Variants in WFS1 observed in about 807,000 individuals in gnomAD.
WFS1 encodes wolframin ER transmembrane glycoprotein, also known as wolframin.
A neutral mutation model predicts 68.5 loss-of-function variants in WFS1; 90 were observed. That is an observed-to-expected ratio of 1.31 (90% CI 1.11 to 1.56). The LOEUF (loss-of-function observed/expected upper bound fraction) is 1.56. Among genes scored for constraint, WFS1 ranks in the 40% most tolerant of loss-of-function variants. WFS1 has a pLI of 0.00. For synonymous variants in WFS1, 860 were observed against 540.7 expected (o/e 1.59, Z -8.19); for missense variants, 1,767 against 1,232.6 (o/e 1.43, Z -6.49).
chr4:6,286,227 C>A (rs1162396636), intron 2 of WFS1, among the ~76,000 whole-genome samples: 1 of 152,070 alleles, frequency 6.6e-6, no homozygotes, highest in East Asian at 1.9e-4. Context: ...CTCCCAGATT[C>A]ATTTGCTGAG....
chr4:6,297,966 C>T (rs528277740), intron 7 of WFS1, among the ~76,000 whole-genome samples: 41 of 152,268 alleles, frequency 2.7e-4, no homozygotes, highest in African/African-American at 7.7e-4. Context: ...CGCCATCCAA[C>T]GTAATGTTCT....
chr4:6,294,093 A>G (rs1467904350), intron 6 of WFS1, among the ~76,000 whole-genome samples: 1 of 152,144 alleles, frequency 6.6e-6, no homozygotes, highest in Non-Finnish European at 1.5e-5. Flanking sequence ...GTCAGCGCCC[A>G]CTATCACGGC....
chr4:6,293,887 G>T (rs923510835), intron 6 of WFS1, among the ~76,000 whole-genome samples: 2 of 152,188 alleles, frequency 1.3e-5, no homozygotes, highest in Non-Finnish European at 2.9e-5. Context: ...TCCAGCCCGT[G>T]CTCCTTCCAC....
rs1455868678 is a variant in WFS1, at chr4:6,302,442, T to G, written c.2647T>G (p.Phe883Val). Residue 883 changes from phenylalanine to valine, a missense_variant, in exon 8 of 8, where the codon TTC becomes GTC. Phe to Val is a conservative substitution (Grantham distance 50). Transcript: ENST00000226760. ...GAVKFAFDFF[F>V]FPFLSAA ...CGTGAAGTTCGCCTTCGACTTCTTT[T>G]TCTTCCCATTCCTGTCGGCGGCCTG... 6.2e-7 allele frequency: 1 copy of G among 1,612,474 alleles called. No homozygotes were observed. Among genetic ancestry groups the G allele is most frequent in the Non-Finnish European group, 8.5e-7 (1 of 1,179,374 alleles).
chr4:6,298,822 C>T (rs1218869467), intron 7 of WFS1, among the ~76,000 whole-genome samples: 1 of 152,230 alleles, frequency 6.6e-6, no homozygotes, highest in Non-Finnish European at 1.5e-5. Context: ...TGCCATTCAC[C>T]TGGGATCCCT....
chr4:6,292,950 C>T (rs932635705), intron 6 of WFS1, among the ~76,000 whole-genome samples: 1 of 152,232 alleles, frequency 6.6e-6, no homozygotes, highest in Non-Finnish European at 1.5e-5. Context: ...AGAGCCCTCG[C>T]CTCTGCGTGG....
At position 6,300,664 on chromosome 4, in the gene WFS1, A is replaced by C; in HGVS notation, c.869A>C (p.Lys290Thr). The C allele has an allele frequency of 1.9e-6, 3 of 1,613,976 alleles. No homozygotes were observed. The highest frequency in any genetic ancestry group is 1.1e-5 in the South Asian group (1 of 91,078). The change falls in exon 8 of 8, where the codon AAG becomes ACG. Residue 290 changes from lysine to threonine, a missense_variant. Lys to Thr is a moderately conservative substitution (Grantham distance 78). Transcript: ENST00000226760. ...EDLPLRLKVV[K>T]YPLHAIMEIK... ...GTACCATCTTTCCCCCAGGTGGTCA[A>C]GTACCCCCTGCACGCCATCATGGAG...
At chr4:6,289,279 A>G in intron 4 of WFS1, 148 bp downstream of exon 4, 1 of 1,059,858 alleles carries the variant, frequency 9.4e-7, no homozygotes, top group Non-Finnish European at 1.3e-6. Flanking sequence ...TGGCCTTCTC[A>G]TTTTAGACAC....
At chr4:6,270,145 A>G (rs987753965) in intron 1 of WFS1, 131 bp downstream of exon 1, 1 of 152,140 alleles carries the variant, frequency 6.6e-6, no homozygotes, top group Non-Finnish European at 1.5e-5. Flanking sequence ...GCTGGCCCCA[A>G]AGTCCCGACA....
Position 6,301,815 on chromosome 4 carries a change from G to T in WFS1, c.2020G>T (p.Gly674Trp). The change falls in exon 8 of 8, where the codon GGG (glycine) becomes TGG (tryptophan). Residue 674 changes from glycine to tryptophan, a missense_variant. Physicochemically the swap from Gly to Trp is radical, Grantham distance 184. Transcript: ENST00000226760. ...CTGGCAGCAGTATGGTGCGCTGTGCGGGCCACGCGCCTGGAAGGAGACCAA... is the reference window on the plus strand; with the variant it reads ...CTGGCAGCAGTATGGTGCGCTGTGCTGGCCACGCGCCTGGAAGGAGACCAA... ...LTWQQYGALCGPRAWKETNMA... is the reference protein window; with the variant it reads ...LTWQQYGALCWPRAWKETNMA... 6.2e-7 allele frequency: 1 copy of T among 1,613,160 alleles called. No homozygotes were observed. Among genetic ancestry groups the T allele is most frequent in the Non-Finnish European group, 8.5e-7 (1 of 1,180,026 alleles).
chr4:6,285,837 T>C (rs1332988203), intron 2 of WFS1, among the ~76,000 whole-genome samples: 1 of 152,238 alleles, frequency 6.6e-6, no homozygotes, highest in African/African-American at 2.4e-5. Flanking sequence ...CTGGGAACCA[T>C]GCAGCCTGTC....
In WFS1 at chr4:6,300,947, C is replaced by T. The variant is rs149846741; in HGVS notation, c.1152C>T (p.Phe384=). 339 of 1,614,046 alleles carry T rather than the reference C, an allele frequency of 2.1e-4. No individual in the cohort carries two copies. In the East Asian group the frequency reaches 2.5e-3, roughly 12 times the overall value. Residue 384 remains phenylalanine, a synonymous_variant, in exon 8 of 8, where the codon TTC becomes TTT. Coordinates refer to ENST00000226760, the MANE Select transcript of WFS1 (RefSeq NM_006005.3). ...FRTLTDLLLR[F]EPNLDVEQAE... is the part of the protein sequence containing the mutation. The stretch of plus-strand genomic sequence containing the variant: ...CCCTCACCGACCTGCTGCTGCGCTT[C>T]GAGCCCAACCTGGATGTGGAGCAGG...
rs141477172 is a variant in WFS1 at position 6,301,451 on chromosome 4, C to G, written c.1656C>G (p.Thr552=). Residue 552 remains threonine (T), a synonymous_variant, in exon 8 of 8, where the codon ACC becomes ACG. Transcript: ENST00000226760. ...CCGTGGTCATCCTGCTGGAGTCCAC[C>G]GGCCTGGGGCTGCTCCGCGCCTCCA... ...ELSVVILLES[T]GLGLLRASIG... The G allele has an allele frequency of 6.2e-6, 10 of 1,612,474 alleles. No individual in the cohort carries two copies. The highest frequency in any genetic ancestry group is 1.6e-4 in the Middle Eastern group (1 of 6,062).
At chr4:6,285,851 T>C (rs998119896) in intron 2 of WFS1, among the ~76,000 whole-genome samples, 3 of 152,212 alleles carry the variant, frequency 2.0e-5, no homozygotes, top group Admixed American at 1.3e-4. Context: ...GCCTGTCCCG[T>C]TGTCAGCCAG....
At chr4:6,297,747 A>T (rs1730676891) in intron 7 of WFS1, among the ~76,000 whole-genome samples, 1 of 152,152 alleles carries the variant, frequency 6.6e-6, no homozygotes, top group South Asian at 2.1e-4. Flanking sequence ...ATAGTTTTTA[A>T]GTTTCGTTCT....
rs762389457 is a variant in WFS1 at position 6,300,782 on chromosome 4, C to G, written c.987C>G (p.Phe329Leu). 6.2e-7 allele frequency: 1 copy of G among 1,613,934 alleles called. No homozygotes were observed. Among genetic ancestry groups the G allele is most frequent in the Non-Finnish European group, 8.5e-7 (1 of 1,179,976 alleles). Reference protein sequence around the residue: ...IPTHHINALIFFFIVSNLTID... With the variant: ...IPTHHINALILFFIVSNLTID... ...CGCACCACATCAACGCGCTCATCTT[C>G]TTCTTCATCGTCAGCAACCTCACCA... is the stretch of plus-strand genomic sequence containing the variant. Residue 329 changes from phenylalanine (F) to leucine (L), a missense_variant, in exon 8 of 8, where the codon TTC (phenylalanine) becomes TTG (leucine). By Grantham distance (22) the Phe-to-Leu change is conservative. Transcript: ENST00000226760.
In WFS1 at chr4:6,283,323, A is replaced by C. The variant is rs1413455584; in HGVS notation, c.233-3770A>C. The stretch of plus-strand genomic sequence containing the variant: ...TTGTGATTGATAGGCAGACTTTCAA[A>C]GAATGAGTTAGATTCAGGACCCTTT... On this transcript the variant is annotated intron_variant, in intron 2 of 7. Coordinates refer to ENST00000226760, the MANE Select transcript of WFS1 (RefSeq NM_006005.3). The surrounding 1 kb of genome is among the most constrained non-coding windows in gnomAD (Gnocchi z 5.0). 3.3e-5 allele frequency among the ~76,000 whole-genome samples: 5 copies of C among 152,232 alleles called. No homozygotes were observed.
chr4:6,284,974 G>A (rs1384039461), intron 2 of WFS1, among the ~76,000 whole-genome samples: 1 of 151,476 alleles, frequency 6.6e-6, no homozygotes, highest in Non-Finnish European at 1.5e-5. Context: ...CTGGGGGGCT[G>A]GCAGGGTGAC....
chr4:6,271,779 G>A (rs970169919), intron 1 of WFS1, among the ~76,000 whole-genome samples: 1 of 152,192 alleles, frequency 6.6e-6, no homozygotes, highest in Non-Finnish European at 1.5e-5. Context: ...GCTGCACGCA[G>A]CCCTGCTGGT....
Sources: allele counts gnomAD v4.1 joint callset (sites outside exome capture counted in the v4.1 genomes callset), GRCh38; gene constraint gnomAD v4.1.1; non-coding constraint Gnocchi (gnomAD v3.1); transcripts MANE v1.5; gene names NCBI Gene and HGNC (gene_info 2026-07-23, HGNC 2026-07-21).